The following ARID1B variants were observed in gnomAD, a reference collection of about 807,000 sequenced individuals.
ARID1B encodes the protein AT-rich interaction domain 1B, also known as AT-rich interactive domain-containing protein 1B.
Under a neutral mutation model 212.3 loss-of-function variants are expected in ARID1B, and 30 were observed. The ratio of observed to expected loss-of-function variants is 0.14; its 90% CI spans 0.11 to 0.19. ARID1B has a LOEUF of 0.19. Ranked by LOEUF, ARID1B falls within the 10% of genes least tolerant of loss-of-function variation. ARID1B has a pLI of 1.00. For synonymous variants in ARID1B, 1,402 were observed against 1,301.7 expected (o/e 1.08, Z -1.66); for missense variants, 2,891 against 3,204.0 (o/e 0.90, Z 2.36).
chr6:157,114,823 C>T (rs1040503340), intron 6 of ARID1B, among the ~76,000 whole-genome samples: 1 of 152,154 alleles, frequency 6.6e-6, no homozygotes. Context: ...CAACCTACTT[C>T]TCTCTAGAGG....
intron 2 of ARID1B, among the ~76,000 whole-genome samples, chr6:156,883,857 G>C (rs1787297555): frequency 2.0e-5 from 3 of 152,214 alleles, no homozygotes; most frequent in Admixed American, 2.0e-4. Context: ...AGCCTACTCA[G>C]ACCAGCAGTA....
rs933201511 is a variant in ARID1B at position 156,928,125 on chromosome 6, C to T, written c.2137-7341C>T. Among the ~76,000 whole-genome samples, 38 of 152,286 alleles carry T rather than the reference C, an allele frequency of 2.5e-4. 1 individual carries two copies. The highest frequency in any genetic ancestry group is 2.5e-3 in the Admixed American group (38 of 15,298). Reference sequence around the variant, plus strand: ...TGAACAGGTGAAGTACGGTTTTGCCCCACACCCTGGGGCCGGCCCTGTAGA... The same window carrying T: ...TGAACAGGTGAAGTACGGTTTTGCCTCACACCCTGGGGCCGGCCCTGTAGA... On this transcript the variant is annotated intron_variant, in intron 3 of 19. Coordinates refer to ENST00000636930, the MANE Select transcript of ARID1B (RefSeq NM_001374828.1).
chr6:156,962,927 G>A (rs187239845), intron 4 of ARID1B, among the ~76,000 whole-genome samples: 11 of 148,808 alleles, frequency 7.4e-5, no homozygotes, highest in Non-Finnish European at 1.3e-4. Context: ...GACTACAGGC[G>A]TGCGCCACCA....
At chr6:156,819,408 TAAAC>T (rs1409112104) in intron 1 of ARID1B, among the ~76,000 whole-genome samples, 8 of 152,202 alleles carry the variant, frequency 5.3e-5, no homozygotes, top group Non-Finnish European at 1.0e-4. Flanking sequence ...ACTCTCAAAA[TAAAC>T]AATATATATA....
intron 11 of ARID1B, among the ~76,000 whole-genome samples, chr6:157,179,460 G>C (rs111717503): frequency 0.013 from 2,012 of 151,854 alleles, 47 homozygotes; most frequent in African/African-American, 0.047. Flanking sequence ...GTACATATGG[G>C]TTTATAGACA....
At chr6:156,836,180 G>A (rs1783498480) in intron 2 of ARID1B, among the ~76,000 whole-genome samples, 1 of 152,140 alleles carries the variant, frequency 6.6e-6, no homozygotes. Context: ...AAGATAAATG[G>A]AAAGTTAAAG....
intron 2 of ARID1B, among the ~76,000 whole-genome samples, chr6:156,897,215 GCTGCTTCTTCTTCTTCTTCTTCTTCTT>G (rs1288814192): frequency 1.3e-5 from 1 of 76,206 alleles, no homozygotes; most frequent in African/African-American, 3.8e-5. Flanking sequence ...TGCTGCTGCT[GCTGCTTCTTCTTCTTCTTCTTCTTCTT>G]CTTCTTCTTC....
At chr6:157,134,042 C>T (rs1480534697) in intron 7 of ARID1B, among the ~76,000 whole-genome samples, 3 of 152,146 alleles carry the variant, frequency 2.0e-5, no homozygotes, top group Non-Finnish European at 4.4e-5. Flanking sequence ...GATAATCTGG[C>T]ACAATTCCCA....
chr6:157,005,211 T>C (rs1381243725), intron 4 of ARID1B, among the ~76,000 whole-genome samples: 1 of 152,016 alleles, frequency 6.6e-6, no homozygotes, highest in Non-Finnish European at 1.5e-5. Context: ...TGGAATTCAG[T>C]GGTGGGATCT....
chr6:156,983,927 C>T (rs768270397), intron 4 of ARID1B, among the ~76,000 whole-genome samples: 1 of 152,168 alleles, frequency 6.6e-6, no homozygotes, highest in African/African-American at 2.4e-5. Flanking sequence ...TAGGATTGAC[C>T]TTGCTTTTCT....
chr6:156,795,756 T>C (rs1334577545), intron 1 of ARID1B, among the ~76,000 whole-genome samples: 1 of 152,118 alleles, frequency 6.6e-6, no homozygotes, highest in Non-Finnish European at 1.5e-5. Flanking sequence ...TCTGCGCCCT[T>C]CCTTCTCTTC....
chr6:157,063,506 G>A (rs1187454970), intron 4 of ARID1B, among the ~76,000 whole-genome samples: 1 of 152,030 alleles, frequency 6.6e-6, no homozygotes, highest in Non-Finnish European at 1.5e-5. Context: ...TTTTTAGATA[G>A]TTGTGCTATT....
intron 2 of ARID1B, among the ~76,000 whole-genome samples, chr6:156,886,490 G>A (rs919321112): frequency 6.6e-6 from 1 of 152,026 alleles, no homozygotes; most frequent in Non-Finnish European, 1.5e-5. Flanking sequence ...GCCTTACCCC[G>A]TACTGCTCTC....
At position 156,778,223 on chromosome 6, in the gene ARID1B, C is replaced by G. The variant is rs756468465; in HGVS notation, c.543C>G (p.His181Gln). The G allele has an allele frequency of 6.5e-7, 1 of 1,539,664 alleles. No individual in the cohort carries two copies. Among genetic ancestry groups the G allele is most frequent in the Non-Finnish European group, 8.7e-7 (1 of 1,146,088 alleles). ...CCCACCACCACCACCACCATGCCCA[C>G]CACCTCCACCACCACCACGCACTAC... Reference protein sequence around the residue: ...HHAHHHHHHAHHLHHHHALQQ... With the variant: ...HHAHHHHHHAQHLHHHHALQQ... Residue 181 changes from histidine (H) to glutamine (Q), a missense_variant, in exon 1 of 20, where the codon CAC becomes CAG. Physicochemically the swap from His to Gln is conservative, Grantham distance 24 (BLOSUM62 0). This residue lies in a region of ARID1B where 1,643 missense variants were observed against 1,544.0 expected (regional missense o/e 1.06). Coordinates refer to ENST00000636930, the MANE Select transcript of ARID1B (RefSeq NM_001374828.1).
intron 3 of ARID1B, among the ~76,000 whole-genome samples, chr6:156,914,293 A>G (rs1790170827): frequency 6.6e-6 from 1 of 152,192 alleles, no homozygotes; most frequent in African/African-American, 2.4e-5. Context: ...GCGGTATGAA[A>G]CAGCTCTTTT....
chr6:156,937,431 G>A (rs896782097), intron 4 of ARID1B: 1 of 152,150 alleles, frequency 6.6e-6, no homozygotes, highest in Admixed American at 6.5e-5. Flanking sequence ...TGTGACACAG[G>A]TTGGTAAATT....
intron 4 of ARID1B, among the ~76,000 whole-genome samples, chr6:156,979,518 G>A (rs1229428767): frequency 1.3e-5 from 2 of 151,992 alleles, no homozygotes; most frequent in African/African-American, 4.8e-5. Flanking sequence ...GGACATTAGT[G>A]ATTTGCATGA....
chr6:157,143,321 G>C (rs1789500868), intron 7 of ARID1B, among the ~76,000 whole-genome samples: 2 of 152,092 alleles, frequency 1.3e-5, no homozygotes, highest in Non-Finnish European at 2.9e-5. Flanking sequence ...TAACCTATTA[G>C]AGAAACATGG....
chr6:157,117,611 G>A (rs915270935), intron 6 of ARID1B, among the ~76,000 whole-genome samples: 8 of 152,280 alleles, frequency 5.3e-5, no homozygotes, highest in Admixed American at 3.9e-4. Flanking sequence ...CCCCCATGTC[G>A]GCAGCAGGCT....
Sources: allele counts gnomAD v4.1 joint callset (sites outside exome capture counted in the v4.1 genomes callset), GRCh38; gene constraint gnomAD v4.1.1; regional missense constraint gnomAD v4.1.1; transcripts MANE v1.5; gene names NCBI Gene and HGNC (gene_info 2026-07-23, HGNC 2026-07-21).